Variants in RBM34 observed in about 807,000 individuals in gnomAD.
RBM34 encodes RNA-binding protein 34.
In RBM34, 39 loss-of-function variants were observed where a neutral mutation model predicts 44.6. That is an observed-to-expected ratio of 0.87 (90% CI 0.68 to 1.14). RBM34 has a LOEUF of 1.14. RBM34 is among the 50% of genes most tolerant of loss of function. The pLI, the probability that RBM34 is intolerant of heterozygous loss-of-function variation, is 0.00. For missense variants in RBM34, 572 were observed against 517.9 expected (o/e 1.10, Z -1.01); for synonymous variants, 194 against 184.0 (o/e 1.05, Z -0.44).
chr1:235,138,003 T>G (rs1459440042), intron 7 of RBM34, 63 bp from the exon 8 acceptor site: 18 of 1,531,238 alleles, frequency 1.2e-5, no homozygotes, highest in Non-Finnish European at 1.4e-5. Context: ...CTAAAACATC[T>G]ATGCTAAAGT....
chr1:235,131,932 T>G lies in RBM34; in HGVS notation c.1074A>C (p.Arg358Ser). 6.2e-7 allele frequency: 1 copy of G among 1,612,336 alleles called. No individual in the cohort carries two copies. Among genetic ancestry groups the G allele is most frequent in the Non-Finnish European group, 8.5e-7 (1 of 1,178,750 alleles). Residue 358 changes from arginine to serine, a missense_variant, in exon 11 of 11, where the codon AGA (arginine) becomes AGC (serine). Physicochemically the swap from Arg to Ser is moderately radical, Grantham distance 110 (BLOSUM62 -1). Coordinates refer to ENST00000408888, the MANE Select transcript of RBM34 (RefSeq NM_015014.4). Reference protein sequence around the residue: ...NNSELMGRKLRVMRSVNKEKF... With the variant: ...NNSELMGRKLSVMRSVNKEKF... ...TTTCTTTATTAACAGAACGCATGAC[T>G]CTGAGTTTTCTCCCCATGAGTTCAG...
intron 3 of RBM34, among the ~76,000 whole-genome samples, chr1:235,156,058 C>T (rs4659601): frequency 1.0e-4 from 15 of 148,166 alleles, no homozygotes; most frequent in Non-Finnish European, 2.1e-4. Flanking sequence ...TTAGCAGAGA[C>T]GAGGTTTCAC....
At chr1:235,143,174 A>G (rs912170868) in intron 6 of RBM34, among the ~76,000 whole-genome samples, 2 of 152,222 alleles carry the variant, frequency 1.3e-5, no homozygotes, top group Non-Finnish European at 2.9e-5. Context: ...TGTGGTTGAC[A>G]AACCTTCAGA....
intron 3 of RBM34, among the ~76,000 whole-genome samples, chr1:235,155,876 C>G (rs868627501): frequency 1.2e-5 from 1 of 84,512 alleles, no homozygotes; most frequent in South Asian, 2.9e-4. Flanking sequence ...TACATATATA[C>G]TTTTTTTTTT....
intron 5 of RBM34, among the ~76,000 whole-genome samples, chr1:235,151,210 TGAGCCAATGAA>T (rs994610737): frequency 2.0e-5 from 3 of 152,160 alleles, no homozygotes; most frequent in Admixed American, 6.5e-5. Context: ...CTAGCATGGG[TGAGCCAATGAA>T]GAGTCAAAGG....
intron 8 of RBM34, 34 bp downstream of exon 8, chr1:235,137,843 C>T: frequency 6.7e-7 from 1 of 1,492,114 alleles, no homozygotes; most frequent in Non-Finnish European, 9.2e-7. Context: ...CTCTACAAAG[C>T]TCTCGTTCTT....
chr1:235,139,801 C>G (rs935778221), intron 6 of RBM34, among the ~76,000 whole-genome samples: 5 of 152,182 alleles, frequency 3.3e-5, no homozygotes, highest in East Asian at 1.9e-4. Context: ...CAATGAGAGA[C>G]AGAGGAAGCA....
At chr1:235,132,535 T>C (rs1322029191) in intron 10 of RBM34, among the ~76,000 whole-genome samples, 2 of 152,126 alleles carry the variant, frequency 1.3e-5, no homozygotes, top group Non-Finnish European at 2.9e-5. Flanking sequence ...TCTCGATCTC[T>C]TGACCTTGTA....
At chr1:235,143,367 A>G (rs1441079076) in intron 6 of RBM34, among the ~76,000 whole-genome samples, 1 of 152,254 alleles carries the variant, frequency 6.6e-6, no homozygotes, top group Non-Finnish European at 1.5e-5. Context: ...CTCAAAAGAA[A>G]TGATCCGTAC....
At chr1:235,138,748 C>A (rs1661544069) in intron 6 of RBM34, among the ~76,000 whole-genome samples, 1 of 152,172 alleles carries the variant, frequency 6.6e-6, no homozygotes, top group Non-Finnish European at 1.5e-5. Context: ...AGTGTCTATT[C>A]TTAGACATCA....
intron 6 of RBM34, among the ~76,000 whole-genome samples, chr1:235,146,699 C>A (rs2102845256): frequency 6.6e-6 from 1 of 152,274 alleles, no homozygotes; most frequent in Middle Eastern, 3.4e-3. Flanking sequence ...GGGCTCACTG[C>A]AACCTTCATC....
At chr1:235,135,833 G>GT (rs1661406691) in intron 9 of RBM34, 63 bp from the exon 10 acceptor site, 1 of 1,422,158 alleles carries the variant, frequency 7.0e-7, no homozygotes, top group Admixed American at 1.7e-5. Context: ...ACATGGAGTT[G>GT]TTTAATAATA....
intron 3 of RBM34, among the ~76,000 whole-genome samples, chr1:235,156,973 CCT>C (rs1572169685): frequency 6.6e-6 from 1 of 152,178 alleles, no homozygotes; most frequent in Admixed American, 6.5e-5. Context: ...TTACTCCTCC[CCT>C]GAGGACAGGG....
intron 5 of RBM34, among the ~76,000 whole-genome samples, chr1:235,149,672 G>C (rs956354192): frequency 2.6e-5 from 4 of 152,064 alleles, no homozygotes; most frequent in African/African-American, 9.7e-5. Context: ...AAACTTTATG[G>C]AAGAGGCAGA....
intron 5 of RBM34, among the ~76,000 whole-genome samples, chr1:235,150,455 T>G (rs1275224801): frequency 1.3e-5 from 2 of 152,164 alleles, no homozygotes; most frequent in African/African-American, 4.8e-5. Context: ...AAATATCACT[T>G]AATGATATAA....
chr1:235,160,600 G>A lies in RBM34; in HGVS notation c.276C>T (p.Ser92=), dbSNP rs1475967558. ...TKRNEEEEST[S]QIERPLSQEP... The stretch of plus-strand genomic sequence containing the variant: ...CTTGCGAAAGTGGTCTTTCAATCTG[G>A]GATGTACTTTCTTCCTCCTCATTCC... The change falls in exon 3 of 11, where the codon TCC becomes TCT. Residue 92 remains serine (S), a synonymous_variant. Transcript: ENST00000408888. The A allele has an allele frequency of 1.9e-6, 3 of 1,613,546 alleles. No homozygotes were observed. The highest frequency in any genetic ancestry group is 2.5e-6 in the Non-Finnish European group (3 of 1,179,836).
chr1:235,155,842 TATATATATATATATATATATATATAC>T (rs1662402320), intron 3 of RBM34, among the ~76,000 whole-genome samples: 2 of 26,314 alleles, frequency 7.6e-5, no homozygotes, highest in East Asian at 1.1e-3. Flanking sequence ...TATATATATA[TATATATATATATATATATATATATAC>T]ATATATACTT....
chr1:235,138,049 T>C (rs1661501674), intron 7 of RBM34, 42 bp downstream of exon 7: 2 of 1,564,522 alleles, frequency 1.3e-6, no homozygotes, highest in Non-Finnish European at 1.8e-6. Flanking sequence ...CATACATACT[T>C]ATAGGACAAT....
chr1:235,161,142 C>G, intron 1 of RBM34, 32 bp downstream of exon 1: 1 of 1,601,128 alleles, frequency 6.2e-7, no homozygotes, highest in African/African-American at 1.3e-5. Flanking sequence ...TACAACATCC[C>G]TCCCCAGGTA....
Sources: gnomAD v4.1 joint callset for allele counts (sites outside exome capture counted in the v4.1 genomes callset) on GRCh38, gnomAD v4.1.1 for gene constraint, MANE v1.5 for transcripts, NCBI Gene and HGNC (gene_info 2026-07-23, HGNC 2026-07-21) for gene names.